PTPRD: variants seen among roughly 807,000 people sequenced by gnomAD.
PTPRD encodes receptor-type tyrosine-protein phosphatase delta.
A neutral mutation model predicts 214.5 loss-of-function variants in PTPRD; 34 were observed. That is an observed-to-expected ratio of 0.16 (90% CI 0.12 to 0.21). The LOEUF is 0.21. PTPRD is among the 10% of genes least tolerant of loss of function. The pLI, the probability that PTPRD is intolerant of heterozygous loss-of-function variation, is 1.00. For synonymous variants in PTPRD, 1,128 were observed against 845.7 expected (o/e 1.33, Z -5.79); for missense variants, 2,545 against 2,398.7 (o/e 1.06, Z -1.27).
At chr9:9,157,562 A>G (rs1172641293) in intron 10 of PTPRD, among the ~76,000 whole-genome samples, 1 of 152,214 alleles carries the variant, frequency 6.6e-6, no homozygotes, top group Non-Finnish European at 1.5e-5. Context: ...CCAAGATTGA[A>G]TTATGAATCA....
intron 9 of PTPRD, among the ~76,000 whole-genome samples, chr9:9,222,532 T>C: frequency 6.6e-6 from 1 of 152,158 alleles, no homozygotes; most frequent in East Asian, 1.9e-4. Flanking sequence ...TTTGGCATAG[T>C]TCTAGAAAAG....
chr9:9,639,875 G>C (rs1216871741), intron 7 of PTPRD, among the ~76,000 whole-genome samples: 3 of 152,088 alleles, frequency 2.0e-5, no homozygotes, highest in Non-Finnish European at 4.4e-5. Flanking sequence ...TTATAGCTTA[G>C]AGAAAGAACA....
chr9:10,096,657 A>G (rs946201003), intron 3 of PTPRD, among the ~76,000 whole-genome samples: 2 of 152,020 alleles, frequency 1.3e-5, no homozygotes, highest in Admixed American at 1.3e-4. Flanking sequence ...TCAGATGAGT[A>G]GGTTGCAAAA....
chr9:10,362,556 A>G (rs1319374389), intron 2 of PTPRD, among the ~76,000 whole-genome samples: 2 of 152,108 alleles, frequency 1.3e-5, no homozygotes, highest in African/African-American at 2.4e-5. Flanking sequence ...TACCTCTCTC[A>G]GAGCACAATC....
At chr9:9,034,480 G>A (rs1184721395) in intron 10 of PTPRD, among the ~76,000 whole-genome samples, 4 of 152,144 alleles carry the variant, frequency 2.6e-5, no homozygotes, top group Non-Finnish European at 4.4e-5. Context: ...ATGAAACTAT[G>A]CAAAACAACT....
intron 18 of PTPRD, chr9:8,524,646 A>G (rs2097969009): frequency 2.0e-6 from 1 of 502,454 alleles, no homozygotes; most frequent in African/African-American, 1.9e-5. Context: ...AATGCAAAGC[A>G]CAGTTCAATC....
chr9:8,735,674 C>A (rs2090113123), intron 11 of PTPRD, among the ~76,000 whole-genome samples: 1 of 152,050 alleles, frequency 6.6e-6, no homozygotes. Flanking sequence ...CTTTCGGAAG[C>A]CGAGGCAGGA....
intron 10 of PTPRD, among the ~76,000 whole-genome samples, chr9:9,153,775 G>A (rs894340520): frequency 6.6e-6 from 1 of 152,126 alleles, no homozygotes; most frequent in African/African-American, 2.4e-5. Flanking sequence ...CTACTGCAGT[G>A]TTCCACAGCC....
chr9:9,853,426 G>A (rs966336275), intron 5 of PTPRD, among the ~76,000 whole-genome samples: 1 of 152,194 alleles, frequency 6.6e-6, no homozygotes, highest in African/African-American at 2.4e-5. Flanking sequence ...CAATGGACCT[G>A]ATTTGACTCA....
intron 10 of PTPRD, among the ~76,000 whole-genome samples, chr9:9,051,500 C>T (rs1160335021): frequency 6.6e-6 from 1 of 152,118 alleles, no homozygotes; most frequent in East Asian, 1.9e-4. Context: ...GTGTTACATT[C>T]AGCTATGAAA....
At chr9:9,744,065 A>G (rs910101856) in intron 6 of PTPRD, among the ~76,000 whole-genome samples, 3 of 152,054 alleles carry the variant, frequency 2.0e-5, no homozygotes, top group Non-Finnish European at 4.4e-5. Context: ...TCAACTTAAC[A>G]GCGTTTCTTT....
intron 2 of PTPRD, among the ~76,000 whole-genome samples, chr9:10,346,836 T>C (rs1263504587): frequency 6.6e-6 from 1 of 152,182 alleles, no homozygotes; most frequent in Non-Finnish European, 1.5e-5. Context: ...AACATGTGAT[T>C]TGTCATAGGC....
At chr9:9,225,780 C>T (rs1057455607) in intron 9 of PTPRD, among the ~76,000 whole-genome samples, 3 of 151,942 alleles carry the variant, frequency 2.0e-5, no homozygotes, top group African/African-American at 7.2e-5. Context: ...ACATAAAATA[C>T]AGAACACAAG....
intron 10 of PTPRD, among the ~76,000 whole-genome samples, chr9:9,085,196 G>C (rs956605216): frequency 4.6e-5 from 7 of 152,010 alleles, no homozygotes; most frequent in African/African-American, 1.7e-4. Context: ...ATGGCATTGT[G>C]ATAAAAAGAT....
chr9:9,294,996 G>A (rs1889105), intron 9 of PTPRD, among the ~76,000 whole-genome samples: 27,370 of 151,502 alleles, frequency 0.18, 2,775 homozygotes, highest in East Asian at 0.34. Context: ...CTTGTATCAG[G>A]TAACTTTAAG....
chr9:8,792,895 C>G (rs2096282086), intron 11 of PTPRD, among the ~76,000 whole-genome samples: 1 of 152,110 alleles, frequency 6.6e-6, no homozygotes, highest in African/African-American at 2.4e-5. Context: ...AATCAACCCC[C>G]ACAGTTACAG....
At chr9:10,253,547 CA>C (rs1226907393) in intron 3 of PTPRD, among the ~76,000 whole-genome samples, 2 of 152,168 alleles carry the variant, frequency 1.3e-5, no homozygotes, top group African/African-American at 4.8e-5. Flanking sequence ...AAACATAGTA[CA>C]TGTCTGAATT....
chr9:8,454,666 C>A, intron 33 of PTPRD: 2 of 1,514,758 alleles, frequency 1.3e-6, no homozygotes, highest in East Asian at 2.3e-5. Flanking sequence ...ACAAGGATAA[C>A]CATGACAACC....
chr9:9,188,949 G>A (rs577173428), intron 9 of PTPRD, among the ~76,000 whole-genome samples: 7 of 152,042 alleles, frequency 4.6e-5, no homozygotes, highest in African/African-American at 1.7e-4. Flanking sequence ...AATTCCTAGG[G>A]TGGTGAATTA....
Sources: allele counts gnomAD v4.1 joint callset (sites outside exome capture counted in the v4.1 genomes callset), GRCh38; gene constraint gnomAD v4.1.1; transcripts MANE v1.5; gene names NCBI Gene and HGNC (gene_info 2026-07-23, HGNC 2026-07-21).